Variants in RELN observed in about 807,000 individuals in gnomAD.
The protein encoded by RELN is reelin.
RELN carries 108 observed loss-of-function variants against 427.6 expected under a neutral mutation model. The observed-to-expected ratio is 0.25, with a 90% CI of 0.22 to 0.30. RELN has a LOEUF of 0.30. Among genes scored for constraint, RELN ranks in the 10% least tolerant of loss-of-function variants. The pLI, the probability that RELN is intolerant of heterozygous loss-of-function variation, is 1.00. For missense variants in RELN, 3,715 were observed against 4,302.8 expected (o/e 0.86, Z 3.82); for synonymous variants, 1,524 against 1,513.4 (o/e 1.01, Z -0.16).
rs373070497 is a variant in RELN, at chr7:103,557,013, C to T, written c.5761G>A (p.Ala1921Thr). 4 of 1,613,830 alleles carry T rather than the reference C, an allele frequency of 2.5e-6. No individual in the cohort carries two copies. Among genetic ancestry groups the T allele is most frequent in the Non-Finnish European group, 2.5e-6 (3 of 1,179,718 alleles). ...GGTTGCCAGAGTCTGAATCTTGTAGCATTGGTTTGGGCAGTGTATGGCAAG... is the reference window on the plus strand; with the variant it reads ...GGTTGCCAGAGTCTGAATCTTGTAGTATTGGTTTGGGCAGTGTATGGCAAG... ...VPLPYTAQTN[A>T]TRFRLWQPYN... The change falls in exon 38 of 65, where the codon GCT becomes ACT. Residue 1921 changes from alanine (A) to threonine (T), a missense_variant. Coordinates refer to ENST00000428762, the MANE Select transcript of RELN (RefSeq NM_005045.4).
intron 2 of RELN, among the ~76,000 whole-genome samples, chr7:103,880,521 CATT>C (rs1219554000): frequency 6.6e-6 from 1 of 152,096 alleles, no homozygotes; most frequent in Non-Finnish European, 1.5e-5. Context: ...TCATCATCAT[CATT>C]ATCGCTGTGT....
At chr7:103,984,771 T>C (rs1432479603) in intron 1 of RELN, among the ~76,000 whole-genome samples, 1 of 152,210 alleles carries the variant, frequency 6.6e-6, no homozygotes, top group Non-Finnish European at 1.5e-5. Context: ...TTAAATACAC[T>C]GATTCCAGAA....
chr7:103,909,946 C>A (rs141877295), intron 2 of RELN, among the ~76,000 whole-genome samples: 17,062 of 142,612 alleles, frequency 0.12, 1,125 homozygotes, highest in South Asian at 0.18. Context: ...CAGTTCTGTG[C>A]AGAAAGTCAT....
intron 19 of RELN, among the ~76,000 whole-genome samples, chr7:103,634,927 C>T (rs112117551): frequency 0.14 from 21,756 of 151,698 alleles, 1,654 homozygotes; most frequent in Middle Eastern, 0.3. Flanking sequence ...GGTGCAATCT[C>T]GGCTCACTGC....
chr7:103,637,684 G>A (rs200516079), intron 17 of RELN, among the ~76,000 whole-genome samples: 1 of 152,180 alleles, frequency 6.6e-6, no homozygotes, highest in African/African-American at 2.4e-5. Flanking sequence ...TTTACTGGAT[G>A]AGCCTTCTTT....
Position 103,626,129 on chromosome 7 carries a change from G to T in RELN, c.2702+3811C>A, listed in dbSNP as rs1832324110. Among the ~76,000 whole-genome samples, 1 of 152,028 alleles carries T rather than the reference G, an allele frequency of 6.6e-6. No homozygotes were observed. The highest frequency in any genetic ancestry group is 6.6e-5 in the Admixed American group (1 of 15,254). On this transcript the variant is annotated intron_variant, in intron 20 of 64. Coordinates refer to ENST00000428762, the MANE Select transcript of RELN (RefSeq NM_005045.4). The surrounding 1 kb of genome is among the most constrained non-coding windows in gnomAD (Gnocchi z 4.4). ...AGTTATTTCCTCTTTTGATAAAGTT[G>T]CTTTGATGCAAACTTCCTAAAGCAG...
chr7:103,651,581 C>T, intron 15 of RELN, 80 bp downstream of exon 15: 6 of 1,425,096 alleles, frequency 4.2e-6, no homozygotes, highest in Non-Finnish European at 5.9e-6. Context: ...GACAAAAATG[C>T]TAATTTCAGG....
At position 103,529,457 on chromosome 7, in the gene RELN, G is replaced by A. The variant is rs1049772755; in HGVS notation, c.7349+5859C>T. ...TGGCCACTCCCCTCCTCCCTTTCTC[G>A]GTGGATTTGGGTTACCTGCCCTTCC... is the stretch of plus-strand genomic sequence containing the variant. On this transcript the variant is annotated intron_variant, in intron 46 of 64. Coordinates refer to ENST00000428762, the MANE Select transcript of RELN (RefSeq NM_005045.4). Among the ~76,000 whole-genome samples the A allele has an allele frequency of 2.1e-4, 32 of 152,036 alleles. 1 individual carries two copies. The highest frequency in any genetic ancestry group is 7.5e-4 in the African/African-American group (31 of 41,472).
intron 1 of RELN, among the ~76,000 whole-genome samples, chr7:103,981,178 A>G (rs1796985028): frequency 6.6e-6 from 1 of 152,250 alleles, no homozygotes; most frequent in Non-Finnish European, 1.5e-5. Flanking sequence ...GGCAGAGCTC[A>G]CATTCACAAC....
chr7:103,505,056 C>T (rs1829162787), intron 51 of RELN, among the ~76,000 whole-genome samples: 1 of 152,174 alleles, frequency 6.6e-6, no homozygotes, highest in Non-Finnish European at 1.5e-5. Flanking sequence ...GAAAAAAAGG[C>T]AGCAGCCCCA....
chr7:103,890,064 C>T (rs1794811614), intron 2 of RELN, among the ~76,000 whole-genome samples: 1 of 152,102 alleles, frequency 6.6e-6, no homozygotes, highest in South Asian at 2.1e-4. Context: ...CCAGCCCTTC[C>T]ATGGCACCTC....
intron 2 of RELN, among the ~76,000 whole-genome samples, chr7:103,900,112 A>G (rs1795051187): frequency 6.6e-6 from 1 of 152,222 alleles, no homozygotes; most frequent in Admixed American, 6.5e-5. Flanking sequence ...TCAGGATACA[A>G]AATCAACGTG....
rs746597375 is a variant in RELN at position 103,565,386 on chromosome 7, C to T, written c.5102G>A (p.Cys1701Tyr). Reference sequence around the variant, plus strand: ...CAGACAGCCAATGGTTGGAGGAACACACTCTTCGGTGACAAGATGCCAGTC... The same window carrying T: ...CAGACAGCCAATGGTTGGAGGAACATACTCTTCGGTGACAAGATGCCAGTC... ...GKDWHLVTEE[C>Y]VPPTIGCLHY... Residue 1701 changes from cysteine to tyrosine, a missense_variant, in exon 34 of 65, where the codon TGT (cysteine) becomes TAT (tyrosine). Cys to Tyr is a radical substitution (Grantham distance 194). Around this residue, in one of 4 missense-constraint regions of RELN, gnomAD observed 2,208 missense variants for 2,361.7 expected, o/e 0.93. Transcript: ENST00000428762. 57 of 1,613,998 alleles carry T rather than the reference C, an allele frequency of 3.5e-5. No individual in the cohort carries two copies. The highest frequency in any genetic ancestry group is 4.5e-5 in the Non-Finnish European group (53 of 1,180,014).
chr7:103,745,491 C>T (rs199964149), intron 6 of RELN, among the ~76,000 whole-genome samples: 17,902 of 129,060 alleles, frequency 0.14, 2,066 homozygotes, highest in African/African-American at 0.3. Flanking sequence ...TGTTTGCAGA[C>T]GACATGATTG....
At chr7:103,729,443 T>C (rs1790298151) in intron 6 of RELN, among the ~76,000 whole-genome samples, 2 of 152,190 alleles carry the variant, frequency 1.3e-5, no homozygotes, top group South Asian at 4.1e-4. Context: ...CCACATTGAT[T>C]AAATGATATT....
rs1554376284 is a variant in RELN, at chr7:103,551,938, G to GTGT, written c.6073-643_6073-642insACA. On this transcript the variant is annotated intron_variant, in intron 40 of 64. Coordinates refer to ENST00000428762, the MANE Select transcript of RELN (RefSeq NM_005045.4). ...TAGTTACCTTCTGTGTGTGTGTGTGGGTGTGTGTGTGTGTGTGTGTGGTAA... is the reference window on the plus strand; with the variant it reads ...TAGTTACCTTCTGTGTGTGTGTGTGGTGTGTGTGTGTGTGTGTGTGTGTGGTAA... Among the ~76,000 whole-genome samples, 629 of 144,824 alleles carry GTGT rather than the reference G, an allele frequency of 4.3e-3. 6 individuals carry two copies. Among genetic ancestry groups the GTGT allele is most frequent in the African/African-American group, 0.012 (478 of 40,800 alleles).
chr7:103,542,468 T>G (rs362757), intron 43 of RELN, among the ~76,000 whole-genome samples: 204 of 152,354 alleles, frequency 1.3e-3, no homozygotes, highest in Non-Finnish European at 2.4e-3. Context: ...CTTCCTAATC[T>G]CAGTCTTATA....
At chr7:103,858,220 T>A (rs1793991736) in intron 2 of RELN, among the ~76,000 whole-genome samples, 1 of 152,184 alleles carries the variant, frequency 6.6e-6, no homozygotes, top group African/African-American at 2.4e-5. Context: ...TTGGTCAGAT[T>A]TCTTAAACTC....
At chr7:103,756,413 C>T (rs1349737191) in intron 4 of RELN, among the ~76,000 whole-genome samples, 1 of 152,156 alleles carries the variant, frequency 6.6e-6, no homozygotes, top group Non-Finnish European at 1.5e-5. Flanking sequence ...TTATAGCATG[C>T]TGAACTGTTC....
Sources: allele counts gnomAD v4.1 joint callset (sites outside exome capture counted in the v4.1 genomes callset), GRCh38; gene constraint gnomAD v4.1.1; regional missense constraint gnomAD v4.1.1; non-coding constraint Gnocchi (gnomAD v3.1); transcripts MANE v1.5; gene names NCBI Gene and HGNC (gene_info 2026-07-23, HGNC 2026-07-21).